GALNT13: variants seen among roughly 807,000 people sequenced by gnomAD.
GALNT13 encodes UDP-GalNAc:polypeptide N-acetylgalactosaminyltransferase 13.
GALNT13 carries 28 observed loss-of-function variants against 64.2 expected under a neutral mutation model. The ratio of observed to expected loss-of-function variants is 0.44; its 90% CI spans 0.32 to 0.60. The LOEUF (loss-of-function observed/expected upper bound fraction) is 0.60, where lower values mean the gene tolerates loss of function less well. Ranked by LOEUF, GALNT13 falls within the 20% of genes least tolerant of loss-of-function variation. GALNT13 has a pLI of 0.05. For synonymous variants in GALNT13, 214 were observed against 224.6 expected, an observed-to-expected ratio of 0.95 and a Z score of 0.42; for missense variants, 577 against 669.8, an observed-to-expected ratio of 0.86 and a Z score of 1.53.
chr2:154,071,558 A>G (rs926853851), intron 3 of GALNT13, among the ~76,000 whole-genome samples: 1 of 152,112 alleles, frequency 6.6e-6, no homozygotes, highest in Non-Finnish European at 1.5e-5. Context: ...AGTCCTCATT[A>G]TTTATGGATT....
At chr2:153,660,240 T>C in the GALNT13 span, among the ~76,000 whole-genome samples, 1 of 152,100 alleles carries the variant, frequency 6.6e-6, no homozygotes, top group Non-Finnish European at 1.5e-5. Context: ...GTTCTAGTGA[T>C]GAGGGGTAAC....
chr2:153,385,232 C>T, the GALNT13 span, among the ~76,000 whole-genome samples: 5 of 152,062 alleles, frequency 3.3e-5, no homozygotes, highest in Non-Finnish European at 7.4e-5. Flanking sequence ...GATATCTGCA[C>T]ACCCATGCTT....
At chr2:154,336,419 C>A (rs1421832798) in intron 9 of GALNT13, among the ~76,000 whole-genome samples, 1 of 152,014 alleles carries the variant, frequency 6.6e-6, no homozygotes, top group Non-Finnish European at 1.5e-5. Context: ...TCTTGGCTTC[C>A]AGCTCATTCA....
At chr2:154,120,737 C>A (rs545120179) in intron 3 of GALNT13, among the ~76,000 whole-genome samples, 1 of 152,024 alleles carries the variant, frequency 6.6e-6, no homozygotes, top group African/African-American at 2.4e-5. Flanking sequence ...GCCTAGGGAC[C>A]CAAGGTAAGT....
At chr2:154,283,233 G>T (rs902942863) in intron 8 of GALNT13, among the ~76,000 whole-genome samples, 1 of 151,908 alleles carries the variant, frequency 6.6e-6, no homozygotes, top group African/African-American at 2.4e-5. Context: ...TATTATTTTT[G>T]AAGCAAACAG....
chr2:153,747,437 T>G, the GALNT13 span, among the ~76,000 whole-genome samples: 2 of 144,188 alleles, frequency 1.4e-5, no homozygotes, highest in Non-Finnish European at 1.5e-5. Flanking sequence ...TTTTTTTTTT[T>G]TTTTTTTTTT....
intron 7 of GALNT13, among the ~76,000 whole-genome samples, chr2:154,249,039 A>G (rs1009155214): frequency 3.9e-5 from 6 of 152,176 alleles, no homozygotes; most frequent in East Asian, 1.9e-4. Context: ...ATAACTATGC[A>G]TATACATTAC....
intron 7 of GALNT13, among the ~76,000 whole-genome samples, chr2:154,255,776 G>A (rs1690337447): frequency 6.6e-6 from 1 of 152,144 alleles, no homozygotes; most frequent in Non-Finnish European, 1.5e-5. Flanking sequence ...CTCAGGCCAG[G>A]TGTGGTGACT....
At chr2:154,221,144 G>A (rs544948178) in intron 4 of GALNT13, among the ~76,000 whole-genome samples, 1 of 152,066 alleles carries the variant, frequency 6.6e-6, no homozygotes, top group Non-Finnish European at 1.5e-5. Flanking sequence ...GCACAAATTA[G>A]TATTGTCAGT....
At chr2:153,083,952 T>C in the GALNT13 span, among the ~76,000 whole-genome samples, 1 of 152,244 alleles carries the variant, frequency 6.6e-6, no homozygotes, top group Non-Finnish European at 1.5e-5. Context: ...TTCTTCTACA[T>C]GTGGCTTGCC....
At chr2:153,367,016 C>CAAA in the GALNT13 span, among the ~76,000 whole-genome samples, 1,908 of 148,230 alleles carry the variant, frequency 0.013, 24 homozygotes, top group Middle Eastern at 0.059. Context: ...AACAAACAAA[C>CAAA]AAAAAAAAAA....
Position 154,084,514 on chromosome 2 carries a change from T to C in GALNT13, c.143-55823T>C, listed in dbSNP as rs1385468819. On this transcript the variant is annotated intron_variant, in intron 3 of 12. Coordinates refer to ENST00000392825, the MANE Select transcript of GALNT13 (RefSeq NM_052917.4). The stretch of plus-strand genomic sequence containing the variant: ...ATGTAATCCCTAAATTATTTAAGTC[T>C]ACTTGGAAACATATTTTATACTGTA... Among the ~76,000 whole-genome samples the C allele has an allele frequency of 1.1e-4, 17 of 151,908 alleles. No homozygotes were observed. In the Admixed American group the frequency reaches 1.1e-3, roughly 10 times the overall value.
chr2:153,973,840 C>A (rs1376948349), intron 3 of GALNT13, among the ~76,000 whole-genome samples: 1 of 151,924 alleles, frequency 6.6e-6, no homozygotes, highest in Non-Finnish European at 1.5e-5. Flanking sequence ...ATGAACATGA[C>A]CATATACAGA....
At chr2:153,127,551 GA>G in the GALNT13 span, among the ~76,000 whole-genome samples, 110,216 of 151,922 alleles carry the variant, frequency 0.73, 41,353 homozygotes, top group South Asian at 0.83. Flanking sequence ...GGAACCTGGG[GA>G]ACCGTAATCT....
chr2:154,125,646 A>G (rs904450960), intron 3 of GALNT13, among the ~76,000 whole-genome samples: 1 of 152,176 alleles, frequency 6.6e-6, no homozygotes, highest in Non-Finnish European at 1.5e-5. Context: ...AGATGGGAAA[A>G]AATAGAAAGG....
intron 3 of GALNT13, among the ~76,000 whole-genome samples, chr2:154,087,299 A>G (rs1701579767): frequency 6.6e-6 from 1 of 152,044 alleles, no homozygotes; most frequent in South Asian, 2.1e-4. Context: ...AGTATGGTAC[A>G]TATTTTTTTT....
intron 9 of GALNT13, among the ~76,000 whole-genome samples, chr2:154,318,740 A>G (rs946852148): frequency 6.7e-6 from 1 of 150,272 alleles, no homozygotes; most frequent in Non-Finnish European, 1.5e-5. Context: ...AAAAAAAAAA[A>G]TCGTTAGATT....
the GALNT13 span, among the ~76,000 whole-genome samples, chr2:153,593,619 A>G: frequency 1.3e-5 from 2 of 152,248 alleles, no homozygotes; most frequent in South Asian, 2.1e-4. Flanking sequence ...CAATCTCTAC[A>G]TGGTGGAATG....
chr2:153,435,803 A>C, the GALNT13 span, among the ~76,000 whole-genome samples: 1 of 151,898 alleles, frequency 6.6e-6, no homozygotes, highest in Non-Finnish European at 1.5e-5. Flanking sequence ...TCTTTTCCTA[A>C]TTGAATACCC....
Sources: allele counts gnomAD v4.1 joint callset (sites outside exome capture counted in the v4.1 genomes callset), GRCh38; gene constraint gnomAD v4.1.1; transcripts MANE v1.5; gene names NCBI Gene and HGNC (gene_info 2026-07-23, HGNC 2026-07-21).